Variants in ABCA8 observed in about 807,000 individuals in gnomAD.
ABCA8 encodes the protein ATP binding cassette subfamily A member 8.
ABCA8 carries 177 observed loss-of-function variants against 192.3 expected under a neutral mutation model. The ratio of observed to expected loss-of-function variants is 0.92; its 90% CI spans 0.81 to 1.04. The LOEUF (loss-of-function observed/expected upper bound fraction) is 1.04. Ranked by LOEUF, ABCA8 falls within the 50% of genes least tolerant of loss-of-function variation. The pLI, the probability that ABCA8 is intolerant of heterozygous loss-of-function variation, is 0.00. For missense variants in ABCA8, 1,915 were observed against 1,904.8 expected, an observed-to-expected ratio of 1.01 and a Z score of -0.10; for synonymous variants, 642 against 690.2, an observed-to-expected ratio of 0.93 and a Z score of 1.09.
Position 68,871,656 on chromosome 17 carries a change from A to C in ABCA8, c.4632-1877T>G, listed in dbSNP as rs546445327. On this transcript the variant is annotated intron_variant, in intron 37 of 39. Coordinates refer to ENST00000586539, the MANE Select transcript of ABCA8 (RefSeq NM_001288985.2). The stretch of plus-strand genomic sequence containing the variant: ...ATACACAGTCATAGGCCACATAATG[A>C]TGTCATAATCAATAATGGACTACAT... Among the ~76,000 whole-genome samples the C allele has an allele frequency of 5.9e-5, 9 of 152,240 alleles. No individual in the cohort carries two copies. In the East Asian group the frequency reaches 1.5e-3, roughly 26 times the overall value.
In ABCA8 at chr17:68,880,923, T is replaced by G. The variant is rs1466127339; in HGVS notation, c.4038+197A>C. ...GGTTTTGACTGGAAAAGCGACACCCTAAGGATTCTGTGACAACCTTTCAGT... is the reference window on the plus strand; with the variant it reads ...GGTTTTGACTGGAAAAGCGACACCCGAAGGATTCTGTGACAACCTTTCAGT... On this transcript the variant is annotated intron_variant, in intron 32 of 39. Transcript: ENST00000586539. The G allele has an allele frequency of 8.5e-6, 5 of 586,554 alleles. No homozygotes were observed. In the East Asian group the frequency reaches 1.2e-4, roughly 14 times the overall value. The allele number at this position is 586,554 out of a possible 1,614,324, so 36.3% of individuals were successfully genotyped here. A position where few individuals can be genotyped will look rare whatever the true frequency, so the allele number is the denominator to read the frequency against.
chr17:68,874,769 AAAT>A (rs1482182180), intron 37 of ABCA8, among the ~76,000 whole-genome samples: 1 of 152,212 alleles, frequency 6.6e-6, no homozygotes, highest in Admixed American at 6.5e-5. Flanking sequence ...CTGTCTATGA[AAAT>A]AAATACATCA....
At chr17:68,872,934 T>TA (rs1308736879) in intron 37 of ABCA8, among the ~76,000 whole-genome samples, 1 of 152,218 alleles carries the variant, frequency 6.6e-6, no homozygotes. Flanking sequence ...GTTAAAAAGT[T>TA]AAAAAAATTT....
intron 30 of ABCA8, 50 bp downstream of exon 30, chr17:68,882,549 A>G: frequency 6.6e-7 from 1 of 1,516,256 alleles, no homozygotes; most frequent in Non-Finnish European, 8.9e-7. Flanking sequence ...ATCATTAGAG[A>G]ATTAGACTGG....
intron 38 of ABCA8, among the ~76,000 whole-genome samples, chr17:68,869,294 A>T (rs1220766230): frequency 6.6e-6 from 1 of 152,174 alleles, no homozygotes; most frequent in East Asian, 1.9e-4. Flanking sequence ...TGTTTCAATG[A>T]CCAGACAGGA....
At chr17:68,949,771 C>T (rs1271953027) in intron 1 of ABCA8, among the ~76,000 whole-genome samples, 1 of 152,286 alleles carries the variant, frequency 6.6e-6, no homozygotes, top group East Asian at 1.9e-4. Flanking sequence ...TCTCAATAAA[C>T]TAGGCATTGA....
chr17:68,938,072 A>G (rs1257114901), intron 4 of ABCA8, among the ~76,000 whole-genome samples: 2 of 152,156 alleles, frequency 1.3e-5, no homozygotes, highest in Non-Finnish European at 2.9e-5. Context: ...AAACAGCAAG[A>G]GCAGACACGT....
chr17:68,917,623 C>T (rs987379566), intron 16 of ABCA8, among the ~76,000 whole-genome samples, 172 bp from the exon 17 acceptor site: 3 of 152,080 alleles, frequency 2.0e-5, no homozygotes, highest in African/African-American at 7.2e-5. Flanking sequence ...ATCTCGTTTA[C>T]GTGAATTTTG....
At chr17:68,922,396 A>AT in intron 11 of ABCA8, 96 bp from the exon 12 acceptor site, 14 of 872,072 alleles carry the variant, frequency 1.6e-5, no homozygotes, top group Non-Finnish European at 2.2e-5. Flanking sequence ...ACTTCAGGAT[A>AT]CATGAAGATC....
At position 68,952,538 on chromosome 17, in the gene ABCA8, T is replaced by C. The variant is rs548535418; in HGVS notation, c.-167+2681A>G. On this transcript the variant is annotated intron_variant, in intron 1 of 39. Coordinates refer to ENST00000586539, the MANE Select transcript of ABCA8 (RefSeq NM_001288985.2). Reference sequence around the variant, plus strand: ...AGTAGATTCATTTTTTACCATCAAATGTCTATTAACTTTGCCAATGAATTA... The same window carrying C: ...AGTAGATTCATTTTTTACCATCAAACGTCTATTAACTTTGCCAATGAATTA... 3.5e-4 allele frequency among the ~76,000 whole-genome samples: 54 copies of C among 152,364 alleles called. No homozygotes were observed. In the South Asian group the frequency reaches 8.7e-3, roughly 25 times the overall value.
intron 11 of ABCA8, among the ~76,000 whole-genome samples, chr17:68,924,364 A>AT (rs2067634053): frequency 6.7e-6 from 1 of 149,598 alleles, no homozygotes; most frequent in Admixed American, 6.7e-5. Flanking sequence ...AAAAAGGGAG[A>AT]TAGATGAGGT....
intron 37 of ABCA8, among the ~76,000 whole-genome samples, 197 bp downstream of exon 37, chr17:68,875,063 C>T (rs554076830): frequency 1.3e-5 from 2 of 152,280 alleles, no homozygotes; most frequent in African/African-American, 4.8e-5. Flanking sequence ...ACCAGGACAG[C>T]CCCTGGCGCA....
At chr17:68,906,849 T>G (rs904476398) in intron 18 of ABCA8, among the ~76,000 whole-genome samples, 1 of 152,148 alleles carries the variant, frequency 6.6e-6, no homozygotes, top group African/African-American at 2.4e-5. Context: ...CATGAAGCAG[T>G]GAACAGTGCC....
At chr17:68,868,224 G>T (rs371773417) in intron 39 of ABCA8, 41 bp from the exon 40 acceptor site, 1 of 1,605,972 alleles carries the variant, frequency 6.2e-7, no homozygotes, top group South Asian at 1.1e-5. Flanking sequence ...GAACAATGCC[G>T]TGCTGCCTCT....
chr17:68,876,631 T>A lies in ABCA8; in HGVS notation c.4272A>T (p.Arg1424Ser). 1.9e-6 allele frequency: 3 copies of A among 1,614,150 alleles called. No individual in the cohort carries two copies. The highest frequency in any genetic ancestry group is 2.5e-6 in the Non-Finnish European group (3 of 1,180,014). ...PVKTLSEGIKRKLCFVLSILG... is the reference protein window; with the variant it reads ...PVKTLSEGIKSKLCFVLSILG... The stretch of plus-strand genomic sequence containing the variant: ...CAACACCAAGCCCTGCCCGTACCTT[T>A]CTCTTTATTCCCTCTGACAAGGTCT... The change falls in exon 34 of 40, where the codon AGA becomes AGT. Residue 1424 changes from arginine to serine, a missense_variant. Physicochemically the swap from Arg to Ser is moderately radical, Grantham distance 110. Transcript: ENST00000586539.
intron 17 of ABCA8, among the ~76,000 whole-genome samples, chr17:68,909,970 T>C (rs2067191765): frequency 6.6e-6 from 1 of 152,216 alleles, no homozygotes; most frequent in Non-Finnish European, 1.5e-5. Context: ...CAATTTCTGA[T>C]TCCAGCACTT....
chr17:68,948,550 G>A (rs913293155), intron 2 of ABCA8, among the ~76,000 whole-genome samples: 32 of 152,258 alleles, frequency 2.1e-4, no homozygotes, highest in African/African-American at 6.3e-4. Context: ...CTTCTTTTGA[G>A]AAGTGTCTGT....
intron 5 of ABCA8, 94 bp downstream of exon 5, chr17:68,936,857 A>T: frequency 9.1e-7 from 1 of 1,100,858 alleles, no homozygotes; most frequent in Non-Finnish European, 1.3e-6. Context: ...ACAGATAGTG[A>T]TGCTCTAATT....
chr17:68,913,197 A>G (rs1299262036), intron 17 of ABCA8, among the ~76,000 whole-genome samples: 1 of 152,154 alleles, frequency 6.6e-6, no homozygotes, highest in African/African-American at 2.4e-5. Flanking sequence ...ATTTATTGAA[A>G]CAAATGAAAA....
Sources: allele counts gnomAD v4.1 joint callset (sites outside exome capture counted in the v4.1 genomes callset), GRCh38; gene constraint gnomAD v4.1.1; transcripts MANE v1.5; gene names NCBI Gene and HGNC (gene_info 2026-07-23, HGNC 2026-07-21).